CHRNA7: variants seen among roughly 807,000 people sequenced by gnomAD.
The protein encoded by CHRNA7 is cholinergic receptor nicotinic alpha 7 subunit.
Under a neutral mutation model 48.0 loss-of-function variants are expected in CHRNA7, and 17 were observed. The observed-to-expected ratio is 0.35, with a 90% CI of 0.24 to 0.53. CHRNA7 has a LOEUF of 0.53. Among genes scored for constraint, CHRNA7 ranks in the 20% least tolerant of loss-of-function variants. The pLI, the probability that CHRNA7 is intolerant of heterozygous loss-of-function variation, is 0.92. For missense variants in CHRNA7, 155 were observed against 577.7 expected, an observed-to-expected ratio of 0.27 and a Z score of 7.50; for synonymous variants, 75 against 242.3, an observed-to-expected ratio of 0.31 and a Z score of 6.41.
At chr15:32,128,586 A>C (rs1047389960) in intron 4 of CHRNA7, among the ~76,000 whole-genome samples, 4 of 151,236 alleles carry the variant, frequency 2.6e-5, no homozygotes, top group Admixed American at 6.6e-5. Context: ...TATAGCAATT[A>C]TTTTATGTTG....
At chr15:32,044,253 C>CCTTCCTTCCTTCCT (rs1555373127) in intron 2 of CHRNA7, among the ~76,000 whole-genome samples, 2 of 140,918 alleles carry the variant, frequency 1.4e-5, no homozygotes, top group Non-Finnish European at 3.0e-5. Flanking sequence ...CGATCTTTTC[C>CCTTCCTTCCTTCCT]TCCTTCCTTC....
chr15:32,095,542 G>C (rs1221890516), intron 2 of CHRNA7, among the ~76,000 whole-genome samples: 5 of 152,046 alleles, frequency 3.3e-5, no homozygotes, highest in African/African-American at 1.2e-4. Context: ...TTTTATTGTT[G>C]CAAATCTCCT....
chr15:32,036,117 C>T (rs769825799), intron 2 of CHRNA7, among the ~76,000 whole-genome samples: 11 of 152,204 alleles, frequency 7.2e-5, no homozygotes, highest in East Asian at 1.9e-4. Context: ...TCTTGGCAGC[C>T]GCTGACCTTT....
chr15:32,069,418 G>A (rs2050018678), intron 2 of CHRNA7, among the ~76,000 whole-genome samples: 1 of 152,222 alleles, frequency 6.6e-6, no homozygotes, highest in African/African-American at 2.4e-5. Flanking sequence ...GGCTGAGGCA[G>A]GAGGATCACT....
chr15:32,166,603 C>T (rs1292636549), intron 9 of CHRNA7: 34 of 151,844 alleles, frequency 2.2e-4, no homozygotes, highest in African/African-American at 7.0e-4. Flanking sequence ...TATTTATTTC[C>T]TAAAGATAGG....
At chr15:32,104,098 C>T (rs2050620169) in intron 3 of CHRNA7, among the ~76,000 whole-genome samples, 1 of 152,130 alleles carries the variant, frequency 6.6e-6, no homozygotes, top group African/African-American at 2.4e-5. Context: ...GCACAGATCC[C>T]TCCAGGGGCT....
chr15:32,135,788 G>T (rs1220247540), intron 4 of CHRNA7, among the ~76,000 whole-genome samples: 1 of 152,050 alleles, frequency 6.6e-6, no homozygotes, highest in Non-Finnish European at 1.5e-5. Flanking sequence ...AAAGCTGCAG[G>T]AATGTCCAAA....
In CHRNA7 at chr15:32,079,389, A is replaced by G. The variant is rs184174604; in HGVS notation, c.196-21914A>G. ...CTCTGTTTGCAGATGATATGATCCT[A>G]TATCTAGAAAACCCCGTTGTCTCAG... On this transcript the variant is annotated intron_variant, in intron 2 of 9. Transcript: ENST00000306901. Among the ~76,000 whole-genome samples, 276 of 152,316 alleles carry G rather than the reference A, an allele frequency of 1.8e-3. 1 individual carries two copies. The highest frequency in any genetic ancestry group is 2.7e-3 in the Non-Finnish European group (184 of 68,028).
At position 32,086,162 on chromosome 15, in the gene CHRNA7, G is replaced by A. The variant is rs1259774699; in HGVS notation, c.196-15141G>A. Among the ~76,000 whole-genome samples the A allele has an allele frequency of 3.3e-5, 5 of 152,188 alleles. No homozygotes were observed. In the East Asian group the frequency reaches 7.7e-4, roughly 24 times the overall value. On this transcript the variant is annotated intron_variant, in intron 2 of 9. Transcript: ENST00000306901. ...AGGCGGGCAGATCATGAGGTCAGGAGATCGGGACCATCCTGGCTAACATGG... is the reference window on the plus strand; with the variant it reads ...AGGCGGGCAGATCATGAGGTCAGGAAATCGGGACCATCCTGGCTAACATGG...
At chr15:32,087,986 C>G (rs1322933196) in intron 2 of CHRNA7, among the ~76,000 whole-genome samples, 1 of 152,146 alleles carries the variant, frequency 6.6e-6, no homozygotes, top group African/African-American at 2.4e-5. Flanking sequence ...TTGGGTTACT[C>G]TTTGTATTAT....
intron 2 of CHRNA7, among the ~76,000 whole-genome samples, chr15:32,032,539 A>T (rs1416490038): frequency 1.3e-5 from 2 of 152,252 alleles, no homozygotes; most frequent in African/African-American, 4.8e-5. Context: ...GGTCATTTTC[A>T]TGCAGAAACC....
intron 4 of CHRNA7, chr15:32,112,496 G>A: frequency 2.7e-6 from 1 of 364,356 alleles, no homozygotes; most frequent in Non-Finnish European, 5.5e-6. Flanking sequence ...AGTCTGACTT[G>A]CAGACCAGAT....
At chr15:32,147,949 T>C (rs868654451) in intron 4 of CHRNA7, among the ~76,000 whole-genome samples, 2 of 152,310 alleles carry the variant, frequency 1.3e-5, no homozygotes, top group Non-Finnish European at 2.9e-5. Flanking sequence ...CAGCTTTTTT[T>C]CCCCTTTCTT....
intron 4 of CHRNA7, among the ~76,000 whole-genome samples, chr15:32,151,802 T>A (rs1252104197): frequency 1.3e-5 from 2 of 152,232 alleles, no homozygotes; most frequent in African/African-American, 4.8e-5. Context: ...TTTTTGGATC[T>A]TTTTTGGTGT....
intron 2 of CHRNA7, among the ~76,000 whole-genome samples, chr15:32,066,116 C>G (rs977738254): frequency 3.3e-5 from 5 of 152,250 alleles, no homozygotes; most frequent in African/African-American, 9.6e-5. Context: ...ATCTCAGTTT[C>G]CTAAATAGCT....
intron 2 of CHRNA7, among the ~76,000 whole-genome samples, chr15:32,085,256 A>T (rs910668476): frequency 4.6e-5 from 7 of 152,186 alleles, no homozygotes; most frequent in African/African-American, 1.7e-4. Flanking sequence ...ATTTATAAAA[A>T]TATCAATGTT....
At chr15:32,042,577 A>G (rs533000858) in intron 2 of CHRNA7, among the ~76,000 whole-genome samples, 3 of 152,314 alleles carry the variant, frequency 2.0e-5, no homozygotes, top group African/African-American at 7.2e-5. Context: ...AAAGTTGTAC[A>G]CACTGAGCCT....
intron 2 of CHRNA7, among the ~76,000 whole-genome samples, chr15:32,060,356 G>A (rs182338595): frequency 1.6e-3 from 241 of 152,220 alleles, no homozygotes; most frequent in African/African-American, 5.4e-3. Flanking sequence ...GTGTGTGCAC[G>A]CGCACACACG....
chr15:32,118,179 T>A (rs1030369637), intron 4 of CHRNA7, among the ~76,000 whole-genome samples: 1 of 152,142 alleles, frequency 6.6e-6, no homozygotes, highest in African/African-American at 2.4e-5. Flanking sequence ...CCCCTCCCCA[T>A]GCGATGCCTG....
Sources: gnomAD v4.1 joint callset for allele counts (sites outside exome capture counted in the v4.1 genomes callset) on GRCh38, gnomAD v4.1.1 for gene constraint, MANE v1.5 for transcripts, NCBI Gene and HGNC (gene_info 2026-07-23, HGNC 2026-07-21) for gene names.